LRP1B: variants seen among roughly 807,000 people sequenced by gnomAD.
The protein encoded by LRP1B is LDL receptor related protein 1B, also known as low-density lipoprotein receptor-related protein 1B.
In LRP1B, 217 loss-of-function variants were observed where a neutral mutation model predicts 556.6. That is an observed-to-expected ratio of 0.39 (90% CI 0.35 to 0.44). The LOEUF (loss-of-function observed/expected upper bound fraction) is 0.44. Among genes scored for constraint, LRP1B ranks in the 20% least tolerant of loss-of-function variants. The pLI is 1.00. For missense variants in LRP1B, 5,053 were observed against 5,620.8 expected, an observed-to-expected ratio of 0.90 and a Z score of 3.23; for synonymous variants, 2,047 against 1,865.8, an observed-to-expected ratio of 1.10 and a Z score of -2.50.
chr2:142,030,194 C>T (rs1378912277), intron 1 of LRP1B, among the ~76,000 whole-genome samples: 2 of 151,800 alleles, frequency 1.3e-5, no homozygotes, highest in Non-Finnish European at 2.9e-5. Flanking sequence ...TAATGCAGCT[C>T]CTTAAGGTAT....
chr2:140,435,552 T>C (rs1337885310), intron 66 of LRP1B, among the ~76,000 whole-genome samples: 1 of 152,174 alleles, frequency 6.6e-6, no homozygotes, highest in Admixed American at 6.5e-5. Context: ...CGGCTTTTGC[T>C]ACCTATCAAT....
At chr2:140,858,518 G>GAGAC (rs896471118) in intron 27 of LRP1B, among the ~76,000 whole-genome samples, 18 of 149,958 alleles carry the variant, frequency 1.2e-4, no homozygotes, top group African/African-American at 4.4e-4. Flanking sequence ...GAGAGAGAGA[G>GAGAC]AGAGAGAGAG....
intron 5 of LRP1B, among the ~76,000 whole-genome samples, chr2:141,242,731 T>C (rs577057709): frequency 6.6e-6 from 1 of 152,264 alleles, no homozygotes; most frequent in South Asian, 2.1e-4. Flanking sequence ...TATTTTACTA[T>C]TGCTTCAGTG....
chr2:140,497,815 G>A (rs1023928424), intron 55 of LRP1B, among the ~76,000 whole-genome samples: 1 of 151,600 alleles, frequency 6.6e-6, no homozygotes, highest in African/African-American at 2.4e-5. Context: ...TAGATGGCTT[G>A]GATAAAAACA....
intron 7 of LRP1B, among the ~76,000 whole-genome samples, chr2:141,118,382 C>T (rs1700959486): frequency 6.6e-6 from 1 of 151,910 alleles, no homozygotes; most frequent in South Asian, 2.1e-4. Context: ...AGGTATACCA[C>T]TTGTTTCCTT....
At chr2:140,447,876 G>C (rs546851598) in intron 63 of LRP1B, among the ~76,000 whole-genome samples, 15 of 152,116 alleles carry the variant, frequency 9.9e-5, no homozygotes, top group African/African-American at 3.6e-4. Context: ...TATGCTTAGG[G>C]AAAAAGGAGG....
At chr2:142,005,563 T>C (rs1449509321) in intron 1 of LRP1B, among the ~76,000 whole-genome samples, 1 of 152,126 alleles carries the variant, frequency 6.6e-6, no homozygotes, top group Admixed American at 6.6e-5. Flanking sequence ...CCAAGTTACT[T>C]TGAGAAAGAA....
intron 3 of LRP1B, among the ~76,000 whole-genome samples, chr2:141,379,274 CACA>C (rs1689550709): frequency 6.6e-6 from 1 of 152,098 alleles, no homozygotes; most frequent in Non-Finnish European, 1.5e-5. Flanking sequence ...AAAACTACCC[CACA>C]AGAATTGAGA....
intron 2 of LRP1B, among the ~76,000 whole-genome samples, chr2:141,554,469 A>G (rs1052007448): frequency 2.6e-5 from 4 of 151,432 alleles, no homozygotes; most frequent in Non-Finnish European, 5.9e-5. Context: ...GAAACTGTTA[A>G]CAATTGTTTT....
chr2:142,026,281 C>T (rs1289378715), intron 1 of LRP1B, among the ~76,000 whole-genome samples: 1 of 152,028 alleles, frequency 6.6e-6, no homozygotes, highest in Non-Finnish European at 1.5e-5. Flanking sequence ...TATGCCTGTG[C>T]TTCAATCAAG....
intron 2 of LRP1B, among the ~76,000 whole-genome samples, chr2:141,610,166 A>G (rs1688057031): frequency 6.6e-6 from 1 of 152,130 alleles, no homozygotes; most frequent in Non-Finnish European, 1.5e-5. Context: ...GTCTATCAAG[A>G]AACCCTATTT....
chr2:140,596,312 G>C (rs1272194259), intron 43 of LRP1B, among the ~76,000 whole-genome samples: 1 of 152,164 alleles, frequency 6.6e-6, no homozygotes, highest in African/African-American at 2.4e-5. Context: ...ATTTCAAAAA[G>C]ATTACGCAGA....
intron 35 of LRP1B, among the ~76,000 whole-genome samples, chr2:140,753,918 G>C (rs959438874): frequency 5.3e-5 from 8 of 152,050 alleles, no homozygotes; most frequent in South Asian, 2.1e-4. Flanking sequence ...TACTCATAGG[G>C]GGAAGACCTC....
chr2:140,323,766 A>G, intron 81 of LRP1B, 127 bp downstream of exon 81: 1 of 450,296 alleles, frequency 2.2e-6, no homozygotes, highest in Non-Finnish European at 3.9e-6. Context: ...TGACATCAAA[A>G]TTAAAGTTAC....
chr2:141,068,100 C>T (rs562599006), intron 7 of LRP1B, among the ~76,000 whole-genome samples: 10 of 151,952 alleles, frequency 6.6e-5, no homozygotes, highest in African/African-American at 2.2e-4. Context: ...AATGCCATGA[C>T]TAACCGCCCA....
chr2:140,637,961 T>C (rs1684129457), intron 41 of LRP1B, among the ~76,000 whole-genome samples: 1 of 152,226 alleles, frequency 6.6e-6, no homozygotes, highest in South Asian at 2.1e-4. Context: ...TTTACTCTTC[T>C]ACAGAAGAAG....
intron 60 of LRP1B, among the ~76,000 whole-genome samples, chr2:140,470,119 ACAAGGTAATGCT>A (rs1026846249): frequency 6.6e-6 from 1 of 152,230 alleles, no homozygotes; most frequent in African/African-American, 2.4e-5. Flanking sequence ...AATGCACAGT[ACAAGGTAATGCT>A]CAAGAGTATA....
In LRP1B at chr2:141,434,770, T is replaced by G. The variant is rs527837092; in HGVS notation, c.343+45626A>C. Among the ~76,000 whole-genome samples, 65 of 152,314 alleles carry G rather than the reference T, an allele frequency of 4.3e-4. No individual in the cohort carries two copies. The Middle Eastern group carries it at 0.017, about 40-fold the overall frequency. ...GATAGGTCAGTTGTTATTTGCTTGT[T>G]AATCAGTTTGTTTGTTTAGTGACTC... On this transcript the variant is annotated intron_variant, in intron 3 of 90. Transcript: ENST00000389484.
chr2:141,718,927 A>G (rs1466023761), intron 2 of LRP1B, among the ~76,000 whole-genome samples: 1 of 152,130 alleles, frequency 6.6e-6, no homozygotes, highest in African/African-American at 2.4e-5. Flanking sequence ...TGAAGAGCAA[A>G]TATTTCTATT....
Sources: allele counts gnomAD v4.1 joint callset (sites outside exome capture counted in the v4.1 genomes callset), GRCh38; gene constraint gnomAD v4.1.1; transcripts MANE v1.5; gene names NCBI Gene and HGNC (gene_info 2026-07-23, HGNC 2026-07-21).